Variants in ADGRE3 observed in about 807,000 individuals in gnomAD.
The protein encoded by ADGRE3 is adhesion G protein-coupled receptor E3, also known as EGF-like module receptor 3.
Under a neutral mutation model 80.1 loss-of-function variants are expected in ADGRE3, and 88 were observed. The ratio of observed to expected loss-of-function variants is 1.10; its 90% CI spans 0.93 to 1.31. The LOEUF (loss-of-function observed/expected upper bound fraction) is 1.31, where lower values mean the gene tolerates loss of function less well. Among genes scored for constraint, ADGRE3 ranks in the 40% most tolerant of loss-of-function variants. The pLI is 0.00. For missense variants in ADGRE3, 715 were observed against 776.5 expected, an observed-to-expected ratio of 0.92 and a Z score of 0.94; for synonymous variants, 281 against 294.8, an observed-to-expected ratio of 0.95 and a Z score of 0.48.
chr19:14,637,664 G>C (rs983642759), intron 11 of ADGRE3, among the ~76,000 whole-genome samples: 2 of 151,360 alleles, frequency 1.3e-5, no homozygotes, highest in African/African-American at 4.9e-5. Context: ...GCTTCCCAAA[G>C]TGCTGGGATT....
intron 8 of ADGRE3, 27 bp from the exon 9 acceptor site, chr19:14,644,302 ATTGTCT>A (rs1369674840): frequency 7.0e-7 from 1 of 1,425,320 alleles, no homozygotes. Context: ...GAAAGGGCTC[ATTGTCT>A]TTGTCTTTCT....
chr19:14,608,994 T>C, the ADGRE3 span, among the ~76,000 whole-genome samples: 1 of 151,982 alleles, frequency 6.6e-6, no homozygotes, highest in South Asian at 2.1e-4. Flanking sequence ...GAGACGGGGT[T>C]TCAACATGTT....
chr19:14,646,408 T>C (rs1398418792), intron 8 of ADGRE3, among the ~76,000 whole-genome samples: 6 of 152,144 alleles, frequency 3.9e-5, no homozygotes, highest in South Asian at 4.1e-4. Flanking sequence ...CCTTTCTTCT[T>C]TTCTTTTTTT....
intron 4 of ADGRE3, among the ~76,000 whole-genome samples, chr19:14,661,393 A>T (rs768968473): frequency 6.6e-6 from 1 of 152,190 alleles, no homozygotes; most frequent in Non-Finnish European, 1.5e-5. Context: ...TTAATTCCAG[A>T]AGCCCAGCTG....
At chr19:14,608,412 C>T in the ADGRE3 span, among the ~76,000 whole-genome samples, 2 of 152,114 alleles carry the variant, frequency 1.3e-5, no homozygotes, top group Admixed American at 1.3e-4. Flanking sequence ...TGCTTGGCAT[C>T]CTTGCAGTCC....
Position 14,656,884 on chromosome 19 carries a change from A to G in ADGRE3, c.393+1629T>C, listed in dbSNP as rs532376092. ...CCTAAGTAATTTCTTCTTAACTCCT[A>G]TATCATTGTGTATTTATTTATTTAT... On this transcript the variant is annotated intron_variant, in intron 5 of 15. Coordinates refer to ENST00000253673, the MANE Select transcript of ADGRE3 (RefSeq NM_032571.5). Among the ~76,000 whole-genome samples, 54 of 152,044 alleles carry G rather than the reference A, an allele frequency of 3.6e-4. No homozygotes were observed. The South Asian group carries it at 6.4e-3, about 18-fold the overall frequency.
At chr19:14,670,906 G>A (rs556804281) in intron 1 of ADGRE3, among the ~76,000 whole-genome samples, 1 of 152,340 alleles carries the variant, frequency 6.6e-6, no homozygotes, top group Non-Finnish European at 1.5e-5. Flanking sequence ...CTGCATGGAA[G>A]TGCTGTTCAG....
chr19:14,657,955 A>G (rs1369190756), intron 5 of ADGRE3, among the ~76,000 whole-genome samples: 1 of 151,736 alleles, frequency 6.6e-6, no homozygotes, highest in Non-Finnish European at 1.5e-5. Flanking sequence ...AGTAGAGATG[A>G]AGTTTCACCA....
chr19:14,627,006 G>A (rs1335595757), intron 14 of ADGRE3, among the ~76,000 whole-genome samples: 1 of 152,212 alleles, frequency 6.6e-6, no homozygotes, highest in African/African-American at 2.4e-5. Context: ...TGTAGAGACA[G>A]AAGCCAAAGG....
rs1568500876 is a variant in ADGRE3, at chr19:14,665,970, A to ATATATATATG, written c.77-2431_77-2430insCATATATATA. On this transcript the variant is annotated intron_variant, in intron 2 of 15. Transcript: ENST00000253673. ...TATATATATATATATATATATATAT[A>ATATATATATG]TATATATAGTGTTTTCTTTATCCAC... Among the ~76,000 whole-genome samples the ATATATATATG allele has an allele frequency of 4.5e-3, 581 of 130,108 alleles. 18 individuals carry two copies. The highest frequency in any genetic ancestry group is 0.016 in the African/African-American group (565 of 36,224). The allele number at this position is 130,108 out of a possible 152,430, so 85.4% of individuals were successfully genotyped here.
At chr19:14,620,456 G>GT (rs1970520703) in intron 15 of ADGRE3, among the ~76,000 whole-genome samples, 1 of 128,342 alleles carries the variant, frequency 7.8e-6, no homozygotes, top group Non-Finnish European at 1.6e-5. Flanking sequence ...ATGTATATAT[G>GT]AATATATGAA....
chr19:14,661,938 G>A (rs746692899), intron 4 of ADGRE3, 25 bp downstream of exon 4: 1 of 1,609,588 alleles, frequency 6.2e-7, no homozygotes, highest in Non-Finnish European at 8.5e-7. Flanking sequence ...GAGGAAGGAA[G>A]GCAGGAGGAC....
At chr19:14,660,001 C>T (rs1971899452) in intron 4 of ADGRE3, among the ~76,000 whole-genome samples, 1 of 151,970 alleles carries the variant, frequency 6.6e-6, no homozygotes, top group South Asian at 2.1e-4. Context: ...CTTAAGAGTT[C>T]AAGAACTTTG....
downstream of ADGRE3, among the ~76,000 whole-genome samples, chr19:14,614,970 C>G (rs940750901): frequency 6.6e-6 from 1 of 151,246 alleles, no homozygotes; most frequent in Non-Finnish European, 1.5e-5. Context: ...ATTGTGGCCT[C>G]AACCTCCTGG....
intron 8 of ADGRE3, 90 bp downstream of exon 8, chr19:14,647,091 T>A (rs535891062): frequency 1.0e-6 from 1 of 1,003,748 alleles, no homozygotes; most frequent in South Asian, 1.5e-5. Context: ...CTGAACAGAG[T>A]GGGTCTAGAA....
chr19:14,653,007 G>C (rs574671957), intron 6 of ADGRE3, among the ~76,000 whole-genome samples: 23 of 151,866 alleles, frequency 1.5e-4, no homozygotes, highest in African/African-American at 5.1e-4. Flanking sequence ...TTTTGAGATG[G>C]AGTCTTGCTC....
chr19:14,656,478 C>G (rs527792303), intron 5 of ADGRE3, among the ~76,000 whole-genome samples: 22 of 151,798 alleles, frequency 1.4e-4, no homozygotes, highest in Non-Finnish European at 1.9e-4. Context: ...TATTCAGGCA[C>G]TAGATTTTAT....
intron 15 of ADGRE3, among the ~76,000 whole-genome samples, chr19:14,623,470 C>G (rs1970650673): frequency 6.6e-6 from 1 of 152,164 alleles, no homozygotes; most frequent in African/African-American, 2.4e-5. Context: ...GTGCAGAAAG[C>G]TCATTCTGTG....
the ADGRE3 span, among the ~76,000 whole-genome samples, chr19:14,605,382 C>CACCGAGACCCCTA: frequency 6.6e-6 from 1 of 151,900 alleles, no homozygotes; most frequent in East Asian, 1.9e-4. Flanking sequence ...AGGCATGAGC[C>CACCGAGACCCCTA]ACCGCGCCCG....
Sources: gnomAD v4.1 joint callset for allele counts (sites outside exome capture counted in the v4.1 genomes callset) on GRCh38, gnomAD v4.1.1 for gene constraint, MANE v1.5 for transcripts, NCBI Gene and HGNC (gene_info 2026-07-23, HGNC 2026-07-21) for gene names.